The following PLEKHG5 variants were observed in gnomAD, a reference collection of about 807,000 sequenced individuals.
PLEKHG5 encodes pleckstrin homology domain-containing family G member 5.
A neutral mutation model predicts 103.8 loss-of-function variants in PLEKHG5; 52 were observed. The observed-to-expected ratio is 0.50, with a 90% CI of 0.40 to 0.63. The LOEUF is 0.63. PLEKHG5 is among the 30% of genes least tolerant of loss of function. The pLI is 0.00. For synonymous variants in PLEKHG5, 592 were observed against 575.5 expected (o/e 1.03, Z -0.41); for missense variants, 1,205 against 1,347.6 (o/e 0.89, Z 1.66).
At chr1:6,492,283 C>A (rs1569966198), upstream of PLEKHG5, among the ~76,000 whole-genome samples, 1 of 152,158 alleles carries the variant, frequency 6.6e-6, no homozygotes, top group African/African-American at 2.4e-5. Context: ...CCCTGTGGCC[C>A]AGGGCCACAA....
chr1:6,511,769 C>T (rs942791914), intron 1 of PLEKHG5, among the ~76,000 whole-genome samples: 1 of 152,228 alleles, frequency 6.6e-6, no homozygotes, highest in African/African-American at 2.4e-5. Context: ...ACTGCAGCCC[C>T]CCCAGAGAGG....
chr1:6,473,260 G>A lies in PLEKHG5; in HGVS notation c.786C>T (p.Ala262=). 6.2e-7 allele frequency: 1 copy of A among 1,610,408 alleles called. No individual in the cohort carries two copies. The highest frequency in any genetic ancestry group is 8.5e-7 in the Non-Finnish European group (1 of 1,178,764). The change falls in exon 8 of 21, where the codon GCC becomes GCT. Residue 262 remains alanine (A), a synonymous_variant. Coordinates refer to ENST00000377728, the MANE Select transcript of PLEKHG5 (RefSeq NM_020631.6). The part of the protein sequence containing the change: ...GFFSSGPSTS[A]FGREVDKMEQ... ...AGATGGGGCCACATACCCGGCCAAA[G>A]GCGCTGGTGCTGGGGCCGGAGCTGA...
At chr1:6,473,668 C>T (rs1557745882) in intron 7 of PLEKHG5, among the ~76,000 whole-genome samples, 1 of 152,152 alleles carries the variant, frequency 6.6e-6, no homozygotes, top group Non-Finnish European at 1.5e-5. Context: ...AGTCCCCCAG[C>T]TTCAAGCATG....
At chr1:6,477,426 A>T in intron 2 of PLEKHG5, 103 bp downstream of exon 2, 1 of 1,193,772 alleles carries the variant, frequency 8.4e-7, no homozygotes, top group Non-Finnish European at 1.2e-6. Flanking sequence ...TTCATTATTT[A>T]CAGTCGACTT....
At chr1:6,517,574 G>A (rs1333000009) in intron 1 of PLEKHG5, among the ~76,000 whole-genome samples, 2 of 152,146 alleles carry the variant, frequency 1.3e-5, no homozygotes, top group Non-Finnish European at 1.5e-5. Flanking sequence ...TATATTCCCT[G>A]AATACTAGCA....
intron 6 of PLEKHG5, 125 bp from the exon 7 acceptor site, chr1:6,474,289 C>A (rs1345596225): frequency 9.3e-6 from 12 of 1,288,578 alleles, no homozygotes; most frequent in Non-Finnish European, 1.3e-5. Context: ...CCCCGCCCTG[C>A]CAGCACCCTC....
At chr1:6,492,134 G>A (rs1225771451), upstream of PLEKHG5, among the ~76,000 whole-genome samples, 1 of 152,238 alleles carries the variant, frequency 6.6e-6, no homozygotes, top group Non-Finnish European at 1.5e-5. Flanking sequence ...CCCCACCGCA[G>A]CGGGGGAGGC....
At chr1:6,508,918 A>C (rs946871760) in intron 1 of PLEKHG5, among the ~76,000 whole-genome samples, 2 of 152,236 alleles carry the variant, frequency 1.3e-5, no homozygotes, top group African/African-American at 4.8e-5. Flanking sequence ...GCTGAGCCCC[A>C]GAGCGGTACA....
rs61174940 is a variant in PLEKHG5 at position 6,486,627 on chromosome 1, G to A, written c.-88+5010C>T. ...GCAGCCCAGGTCCCTGCAGTTCTAGGCCAGGTCCCCACCGCCAGGGGGCAC... is the reference window on the plus strand; with the variant it reads ...GCAGCCCAGGTCCCTGCAGTTCTAGACCAGGTCCCCACCGCCAGGGGGCAC... On this transcript the variant is annotated intron_variant, in intron 1 of 20. Coordinates refer to ENST00000377728, the MANE Select transcript of PLEKHG5 (RefSeq NM_020631.6). This position sits in a 1 kb window ranked among gnomAD's most constrained non-coding sequence, Gnocchi z 5.3. Among the ~76,000 whole-genome samples, 20,009 of 152,186 alleles carry A rather than the reference G, an allele frequency of 0.13. 1,957 individuals are homozygous for A. Among genetic ancestry groups the A allele is most frequent in the African/African-American group, 0.27 (11,080 of 41,486 alleles).
intron 1 of PLEKHG5, among the ~76,000 whole-genome samples, chr1:6,513,065 C>T (rs895214140): frequency 6.6e-6 from 1 of 152,252 alleles, no homozygotes; most frequent in Non-Finnish European, 1.5e-5. Context: ...CCCACTGTTC[C>T]TGGTGGAATC....
Position 6,485,498 on chromosome 1 carries a change from C to A in PLEKHG5, c.-88+6139G>T, listed in dbSNP as rs1021572737. On this transcript the variant is annotated intron_variant, in intron 1 of 20. Coordinates refer to ENST00000377728, the MANE Select transcript of PLEKHG5 (RefSeq NM_020631.6). The stretch of plus-strand genomic sequence containing the variant: ...GCCCGCCGGACAAAGCGCGGAGCCC[C>A]GCTTCCTGCCATTGTGCGGCCGCGC... The A allele has an allele frequency of 3.2e-6, 4 of 1,237,632 alleles. No individual in the cohort carries two copies. The African/African-American group carries it at 6.2e-5, about 19-fold the overall frequency. The allele number at this position is 1,237,632 out of a possible 1,614,324, so 76.7% of individuals were successfully genotyped here. A position where few individuals can be genotyped will look rare whatever the true frequency, so the allele number is the denominator to read the frequency against.
rs983395253 is a variant in PLEKHG5, at chr1:6,487,238, C to T, written c.-88+4399G>A. On this transcript the variant is annotated intron_variant, in intron 1 of 20. Coordinates refer to ENST00000377728, the MANE Select transcript of PLEKHG5 (RefSeq NM_020631.6). The surrounding 1 kb of genome is among the most constrained non-coding windows in gnomAD (Gnocchi z 4.1). ...TCAAGTGATTCTTCTGCCTCAGCCT[C>T]CCCAGTAGCTGGGATTACAGGCGCC... Among the ~76,000 whole-genome samples the T allele has an allele frequency of 6.6e-6, 1 of 152,166 alleles. No homozygotes were observed. Among genetic ancestry groups the T allele is most frequent in the Admixed American group, 6.5e-5 (1 of 15,272 alleles).
At chr1:6,479,014 T>A (rs2148600966) in intron 1 of PLEKHG5, among the ~76,000 whole-genome samples, 1 of 140,888 alleles carries the variant, frequency 7.1e-6, no homozygotes, top group Non-Finnish European at 1.5e-5. Flanking sequence ...CCCTCTGGAC[T>A]CCCCAAGTTG....
At chr1:6,499,356 T>G (rs1645270247), upstream of PLEKHG5, among the ~76,000 whole-genome samples, 2 of 152,204 alleles carry the variant, frequency 1.3e-5, no homozygotes, top group African/African-American at 4.8e-5. Context: ...TGCCTGGTAC[T>G]TCCTGGCACT....
At chr1:6,475,428 A>T in intron 4 of PLEKHG5, 34 bp downstream of exon 4, 1 of 1,596,466 alleles carries the variant, frequency 6.3e-7, no homozygotes, top group Non-Finnish European at 8.6e-7. Flanking sequence ...GGCTGTAGGG[A>T]ACCCGCATCT....
At chr1:6,479,046 C>T (rs901119488) in intron 1 of PLEKHG5, among the ~76,000 whole-genome samples, 1 of 152,000 alleles carries the variant, frequency 6.6e-6, no homozygotes, top group African/African-American at 2.4e-5. Context: ...ATCTGCTTCT[C>T]TCCCATTCTC....
At chr1:6,472,870 C>T in intron 9 of PLEKHG5, 116 bp downstream of exon 9, 2 of 996,126 alleles carry the variant, frequency 2.0e-6, no homozygotes, top group Non-Finnish European at 3.1e-6. Flanking sequence ...CCAAAGTGGG[C>T]TAATGGTAAC....
upstream of PLEKHG5, among the ~76,000 whole-genome samples, chr1:6,499,012 G>C (rs1645266358): frequency 6.6e-6 from 1 of 152,174 alleles, no homozygotes; most frequent in South Asian, 2.1e-4. Context: ...TTTCCACGGG[G>C]ACCTGGAGCC....
intron 9 of PLEKHG5, 49 bp downstream of exon 9, chr1:6,472,937 T>C (rs767603083): frequency 6.4e-7 from 1 of 1,563,280 alleles, no homozygotes; most frequent in Non-Finnish European, 8.8e-7. Context: ...TCCCGAGGGC[T>C]GTCCTCCTTT....
Sources: gnomAD v4.1 joint callset for allele counts (sites outside exome capture counted in the v4.1 genomes callset) on GRCh38, gnomAD v4.1.1 for gene constraint, Gnocchi (gnomAD v3.1) non-coding constraint, MANE v1.5 for transcripts, NCBI Gene and HGNC (gene_info 2026-07-23, HGNC 2026-07-21) for gene names.